Variants in ATP6V0D1 observed in about 807,000 individuals in gnomAD.
ATP6V0D1 encodes ATPase H+ transporting V0 subunit d1.
In ATP6V0D1, 13 loss-of-function variants were observed where a neutral mutation model predicts 39.0. That is an observed-to-expected ratio of 0.33 (90% confidence interval 0.22 to 0.53). The LOEUF (loss-of-function observed/expected upper bound fraction) is 0.53, where lower values mean the gene tolerates loss of function less well. ATP6V0D1 is among the 20% of genes least tolerant of loss of function. ATP6V0D1 has a pLI of 0.94. For synonymous variants in ATP6V0D1, 191 were observed against 191.2 expected (o/e 1.00, Z 0.01); for missense variants, 272 against 470.9 (o/e 0.58, Z 3.91).
At chr16:67,465,252 C>T (rs112945557) in intron 1 of ATP6V0D1, among the ~76,000 whole-genome samples, 14,289 of 152,242 alleles carry the variant, frequency 0.094, 1,155 homozygotes, top group African/African-American at 0.22. Flanking sequence ...CCAGCCTGAC[C>T]GTGTGGACCT....
rs2041129911 is a variant in ATP6V0D1, at chr16:67,447,416, C to G, written c.303-2710G>C. On this transcript the variant is annotated intron_variant, in intron 2 of 7. Transcript: ENST00000290949. The surrounding 1 kb of genome is among the most constrained non-coding windows in gnomAD (Gnocchi z 4.1). ...TCCCAAGGCCGAGGCCTTCGGCAGG[C>G]AGGGAAATCCTCCTCTTCCTCCTTG... Among the ~76,000 whole-genome samples the G allele has an allele frequency of 6.6e-6, 1 of 152,238 alleles. No homozygotes were observed. Among genetic ancestry groups the G allele is most frequent in the Admixed American group, 6.5e-5 (1 of 15,290 alleles).
chr16:67,446,574 G>A (rs1354438980), intron 2 of ATP6V0D1, among the ~76,000 whole-genome samples: 1 of 152,150 alleles, frequency 6.6e-6, no homozygotes, highest in Non-Finnish European at 1.5e-5. Flanking sequence ...CCAGAGCTTT[G>A]GGCCATGGTC....
intron 2 of ATP6V0D1, chr16:67,452,435 G>C: frequency 1.3e-6 from 2 of 1,529,356 alleles, no homozygotes; most frequent in East Asian, 2.4e-5. Context: ...AACTGCAGGG[G>C]ATAAGAATCA....
At chr16:67,467,727 A>G (rs1303261115) in intron 1 of ATP6V0D1, among the ~76,000 whole-genome samples, 3 of 152,220 alleles carry the variant, frequency 2.0e-5, no homozygotes, top group Non-Finnish European at 2.9e-5. Flanking sequence ...AGGTTCTGGC[A>G]ACCCATAGGG....
At position 67,444,547 on chromosome 16, in the gene ATP6V0D1, A is replaced by T. The variant is rs1468543520; in HGVS notation, c.462T>A (p.Ile154=). 1 of 1,603,742 alleles carries T rather than the reference A, an allele frequency of 6.2e-7. No homozygotes were observed. The highest frequency in any genetic ancestry group is 1.7e-5 in the Admixed American group (1 of 59,696). Residue 154 remains isoleucine, a synonymous_variant, in exon 3 of 8, where the codon ATT becomes ATA. Coordinates refer to ENST00000290949, the MANE Select transcript of ATP6V0D1 (RefSeq NM_004691.5). The surrounding 1 kb of genome is among the most constrained non-coding windows in gnomAD (Gnocchi z 4.8). ...GCTCACCAAGAGGCGTGTCCACCAGAATGGCATTGTAGAGCTCAGCAGGTG... is the reference window on the plus strand; with the variant it reads ...GCTCACCAAGAGGCGTGTCCACCAGTATGGCATTGTAGAGCTCAGCAGGTG... ...AQTPAELYNA[I]LVDTPLAAFF...
At chr16:67,480,192 C>G (rs1178612500) in intron 1 of ATP6V0D1, among the ~76,000 whole-genome samples, 1 of 96,522 alleles carries the variant, frequency 1.0e-5, no homozygotes, top group East Asian at 2.1e-4. Flanking sequence ...GAGCGAGACT[C>G]CGTCTCAAAA....
chr16:67,453,585 G>T lies in ATP6V0D1; in HGVS notation c.261C>A (p.Asn87Lys). The T allele has an allele frequency of 6.2e-7, 1 of 1,614,204 alleles. No homozygotes were observed. Among genetic ancestry groups the T allele is most frequent in the Non-Finnish European group, 8.5e-7 (1 of 1,180,026 alleles). The change falls in exon 2 of 8, where the codon AAC becomes AAA. Residue 87 changes from asparagine to lysine, a missense_variant. Physicochemically the swap from Asn to Lys is moderately conservative, Grantham distance 94. Transcript: ENST00000290949. This position sits in a 1 kb window ranked among gnomAD's most constrained non-coding sequence, Gnocchi z 4.1. ...AGCTGGCGAGTGGCTCATAGGCATG[G>T]TTCCTCATGTGGCGGAACTCCACCA... ...KMVVEFRHMRNHAYEPLASFL... is the reference protein window; with the variant it reads ...KMVVEFRHMRKHAYEPLASFL...
intron 1 of ATP6V0D1, among the ~76,000 whole-genome samples, chr16:67,473,523 T>A (rs2041391772): frequency 6.6e-6 from 1 of 151,952 alleles, no homozygotes; most frequent in South Asian, 2.1e-4. Flanking sequence ...TAATTTTTTG[T>A]GGTTTTGTTT....
At chr16:67,459,921 T>G (rs2041276045) in intron 1 of ATP6V0D1, among the ~76,000 whole-genome samples, 1 of 152,204 alleles carries the variant, frequency 6.6e-6, no homozygotes, top group South Asian at 2.1e-4. Context: ...CATGGCCTCA[T>G]GGCCGGCCCA....
intron 2 of ATP6V0D1, among the ~76,000 whole-genome samples, chr16:67,450,656 G>A (rs540450034): frequency 6.6e-6 from 1 of 152,304 alleles, no homozygotes; most frequent in Non-Finnish European, 1.5e-5. Context: ...GAAAGCTCGA[G>A]GGATGAGGGG....
intron 2 of ATP6V0D1, among the ~76,000 whole-genome samples, chr16:67,451,260 C>T (rs573456050): frequency 6.8e-4 from 103 of 152,258 alleles, no homozygotes; most frequent in Middle Eastern, 3.4e-3. Context: ...GGGCTGCCAG[C>T]CGGGTGGGAC....
chr16:67,438,576 G>A lies in ATP6V0D1; in HGVS notation c.1008C>T (p.Ile336=), dbSNP rs1023732012. The A allele has an allele frequency of 9.3e-6, 15 of 1,614,154 alleles. No individual in the cohort carries two copies. The highest frequency in any genetic ancestry group is 1.1e-5 in the Non-Finnish European group (13 of 1,180,028). ...CGATTTTGGCGCGGTGGCGCTGGGCGATACATTCAGCGATCCACACGATGT... is the reference window on the plus strand; with the variant it reads ...CGATTTTGGCGCGGTGGCGCTGGGCAATACATTCAGCGATCCACACGATGT... ...CRNIVWIAEC[I]AQRHRAKIDN... The change falls in exon 8 of 8, where the codon ATC becomes ATT. Residue 336 remains isoleucine (I), a synonymous_variant. Transcript: ENST00000290949.
chr16:67,449,103 T>C (rs1238015203), intron 2 of ATP6V0D1, among the ~76,000 whole-genome samples: 1 of 152,252 alleles, frequency 6.6e-6, no homozygotes, highest in Non-Finnish European at 1.5e-5. Flanking sequence ...GCCACTGTCC[T>C]GGGACAAAGC....
rs1392421888 is a variant in ATP6V0D1 at position 67,481,019 on chromosome 16, A to C, written c.68T>G (p.Leu23Arg). The change falls in exon 1 of 8, where the codon CTG (leucine) becomes CGG (arginine). Residue 23 changes from leucine to arginine, a missense_variant. Coordinates refer to ENST00000290949, the MANE Select transcript of ATP6V0D1 (RefSeq NM_004691.5). Reference protein sequence around the residue: ...NGYLEGLVRGLKAGVLSQADY... With the variant: ...NGYLEGLVRGRKAGVLSQADY... ...GGCCTGGCTGAGCACCCCGGCCTTC[A>C]GGCCGCGCACCAGTCCCTCCAAGTA... 1 of 1,614,188 alleles carries C rather than the reference A, an allele frequency of 6.2e-7. No homozygotes were observed. Among genetic ancestry groups the C allele is most frequent in the Non-Finnish European group, 8.5e-7 (1 of 1,179,998 alleles).
At chr16:67,443,243 G>T (rs1359735029) in intron 3 of ATP6V0D1, 65 bp from the exon 4 acceptor site, 4 of 1,522,868 alleles carry the variant, frequency 2.6e-6, no homozygotes, top group Non-Finnish European at 3.6e-6. Flanking sequence ...ATGTTCAAAT[G>T]CCCTACACGG....
At chr16:67,451,889 C>A (rs2041184730) in intron 2 of ATP6V0D1, among the ~76,000 whole-genome samples, 1 of 152,244 alleles carries the variant, frequency 6.6e-6, no homozygotes, top group Non-Finnish European at 1.5e-5. Flanking sequence ...CCAAGACAGG[C>A]CAAAGGCTAG....
Position 67,444,830 on chromosome 16 carries a change from G to C in ATP6V0D1, c.303-124C>G. 1 of 893,006 alleles carries C rather than the reference G, an allele frequency of 1.1e-6. No homozygotes were observed. Among genetic ancestry groups the C allele is most frequent in the Non-Finnish European group, 1.6e-6 (1 of 615,392 alleles). 55.3% of individuals were successfully genotyped at this position (893,006 alleles called of 1,614,324 possible). On this transcript the variant is annotated intron_variant, in intron 2 of 7. Coordinates refer to ENST00000290949, the MANE Select transcript of ATP6V0D1 (RefSeq NM_004691.5). The surrounding 1 kb of genome is among the most constrained non-coding windows in gnomAD (Gnocchi z 4.8). ...CTTAACAATGTATGCTGACTCATGG[G>C]TGCTGCGGATAAGCACCAGTGTCTC...
chr16:67,440,524 C>T (rs181011053), intron 4 of ATP6V0D1: 1 of 152,414 alleles, frequency 6.6e-6, no homozygotes, highest in Non-Finnish European at 1.5e-5. Flanking sequence ...GAGACCCTGG[C>T]TCCACAGGCT....
chr16:67,477,025 T>TAAAA (rs199765066), intron 1 of ATP6V0D1, among the ~76,000 whole-genome samples: 108 of 40,036 alleles, frequency 2.7e-3, no homozygotes, highest in African/African-American at 3.6e-3. Context: ...TGTCTCAAAT[T>TAAAA]AAAAAAAAAA....
Sources: allele counts gnomAD v4.1 joint callset (sites outside exome capture counted in the v4.1 genomes callset), GRCh38; gene constraint gnomAD v4.1.1; non-coding constraint Gnocchi (gnomAD v3.1); transcripts MANE v1.5; gene names NCBI Gene and HGNC (gene_info 2026-07-23, HGNC 2026-07-21).